Variants in GRM7 observed in about 807,000 individuals in gnomAD.
GRM7 encodes glutamate metabotropic receptor 7.
Under a neutral mutation model 84.5 loss-of-function variants are expected in GRM7, and 35 were observed. The observed-to-expected ratio is 0.41, with a 90% confidence interval of 0.32 to 0.55. The LOEUF (loss-of-function observed/expected upper bound fraction) is 0.55. GRM7 is among the 20% of genes least tolerant of loss of function. The pLI is 0.19. For synonymous variants in GRM7, 487 were observed against 455.1 expected (o/e 1.07, Z -0.89); for missense variants, 1,003 against 1,194.6 (o/e 0.84, Z 2.36).
chr3:7,600,762 TTA>T (rs1696270569), intron 8 of GRM7, among the ~76,000 whole-genome samples: 1 of 152,202 alleles, frequency 6.6e-6, no homozygotes, highest in African/African-American at 2.4e-5. Context: ...CTGGGGAAAT[TTA>T]TGTTTAACTG....
chr3:7,561,358 T>G (rs1694020184), intron 7 of GRM7: 1 of 333,594 alleles, frequency 3.0e-6, no homozygotes, highest in African/African-American at 2.1e-5. Flanking sequence ...GATGCTGAGA[T>G]CCTATTGAGG....
intron 4 of GRM7, among the ~76,000 whole-genome samples, chr3:7,395,178 CTT>C (rs1448172519): frequency 6.6e-6 from 1 of 152,048 alleles, no homozygotes; most frequent in African/African-American, 2.4e-5. Flanking sequence ...CCAAAATAGA[CTT>C]TGAACAGCTC....
At chr3:7,215,787 G>C (rs1696590223) in intron 2 of GRM7, among the ~76,000 whole-genome samples, 1 of 152,160 alleles carries the variant, frequency 6.6e-6, no homozygotes. Flanking sequence ...GACAAATGTA[G>C]TTGTGAATGA....
At chr3:7,626,921 C>A (rs1023754813) in intron 8 of GRM7, among the ~76,000 whole-genome samples, 16 of 95,246 alleles carry the variant, frequency 1.7e-4, no homozygotes, top group African/African-American at 5.6e-4. Context: ...TACATGAGCA[C>A]CTCTTTTTTT....
chr3:7,062,213 G>A (rs962221102), intron 1 of GRM7, among the ~76,000 whole-genome samples: 1 of 151,766 alleles, frequency 6.6e-6, no homozygotes, highest in African/African-American at 2.4e-5. Flanking sequence ...AGGATCATAG[G>A]AGATGAAAGG....
At chr3:7,133,495 C>A (rs1693670841) in intron 1 of GRM7, among the ~76,000 whole-genome samples, 1 of 152,186 alleles carries the variant, frequency 6.6e-6, no homozygotes, top group African/African-American at 2.4e-5. Context: ...GTGGCCCCCA[C>A]AACAAAGCAT....
At chr3:6,897,207 C>A (rs1181517579) in intron 1 of GRM7, among the ~76,000 whole-genome samples, 1 of 152,178 alleles carries the variant, frequency 6.6e-6, no homozygotes. Context: ...TGAACAGCTT[C>A]TTTAGTTATT....
intron 8 of GRM7, among the ~76,000 whole-genome samples, chr3:7,582,664 T>G (rs13080215): frequency 0.5 from 76,304 of 151,820 alleles, 19,844 homozygotes; most frequent in Non-Finnish European, 0.57. Flanking sequence ...CAGAACAAGG[T>G]TATATTACAA....
intron 2 of GRM7, among the ~76,000 whole-genome samples, chr3:7,270,377 G>C (rs1481751991): frequency 6.6e-6 from 1 of 152,148 alleles, no homozygotes; most frequent in Non-Finnish European, 1.5e-5. Context: ...GTATACCATA[G>C]TATCTTTAGT....
At chr3:7,252,843 C>T (rs987900343) in intron 2 of GRM7, among the ~76,000 whole-genome samples, 1 of 151,030 alleles carries the variant, frequency 6.6e-6, no homozygotes, top group Non-Finnish European at 1.5e-5. Context: ...CGCCCGCCAC[C>T]ACACCCAGCT....
chr3:7,504,618 A>T (rs748364474), intron 7 of GRM7, among the ~76,000 whole-genome samples: 50 of 152,242 alleles, frequency 3.3e-4, no homozygotes, highest in Non-Finnish European at 6.5e-4. Flanking sequence ...AGGCAAGAGC[A>T]AAAGAACCAG....
At chr3:7,254,456 C>T (rs943993151) in intron 2 of GRM7, among the ~76,000 whole-genome samples, 4 of 152,186 alleles carry the variant, frequency 2.6e-5, no homozygotes, top group Non-Finnish European at 5.9e-5. Flanking sequence ...GAATGTTCAG[C>T]GTACAAGCTG....
intron 2 of GRM7, among the ~76,000 whole-genome samples, chr3:7,274,372 ATG>A (rs1698975558): frequency 6.6e-6 from 1 of 152,042 alleles, no homozygotes; most frequent in Admixed American, 6.5e-5. Context: ...CCATGTAGAT[ATG>A]AGTTTCTGAC....
intron 7 of GRM7, among the ~76,000 whole-genome samples, chr3:7,550,174 G>A (rs1313515078): frequency 6.6e-6 from 1 of 150,718 alleles, no homozygotes; most frequent in Non-Finnish European, 1.5e-5. Flanking sequence ...TTTAAGAATT[G>A]GGTAACTGCC....
intron 5 of GRM7, among the ~76,000 whole-genome samples, chr3:7,446,019 A>G (rs1228469100): frequency 2.0e-5 from 3 of 152,262 alleles, no homozygotes; most frequent in East Asian, 1.9e-4. Flanking sequence ...CTCTTGTAAT[A>G]CATTCATTTA....
chr3:7,307,821 A>G (rs1461763595), intron 4 of GRM7, among the ~76,000 whole-genome samples: 1 of 152,184 alleles, frequency 6.6e-6, no homozygotes, highest in African/African-American at 2.4e-5. Context: ...TGCCTTGCTC[A>G]GTGCTAGGAG....
intron 1 of GRM7, among the ~76,000 whole-genome samples, chr3:6,917,548 T>C (rs1360929199): frequency 6.7e-6 from 1 of 148,734 alleles, no homozygotes; most frequent in Non-Finnish European, 1.5e-5. Flanking sequence ...TAAACTTAAA[T>C]GAAAGAGTTT....
intron 1 of GRM7, among the ~76,000 whole-genome samples, chr3:7,098,224 T>C (rs779684698): frequency 1.4e-4 from 22 of 152,086 alleles, no homozygotes; most frequent in Middle Eastern, 3.2e-3. Flanking sequence ...GTATAGCATT[T>C]TGAATAACTT....
intron 1 of GRM7, among the ~76,000 whole-genome samples, chr3:7,067,857 A>G (rs937003558): frequency 2.6e-5 from 4 of 151,980 alleles, no homozygotes; most frequent in African/African-American, 7.2e-5. Context: ...GTATTGGATT[A>G]CCTTAAAATA....
Sources: gnomAD v4.1 joint callset for allele counts (sites outside exome capture counted in the v4.1 genomes callset) on GRCh38, gnomAD v4.1.1 for gene constraint, MANE v1.5 for transcripts, NCBI Gene and HGNC (gene_info 2026-07-23, HGNC 2026-07-21) for gene names.